The following SSH2 variants were observed in gnomAD, a reference collection of about 807,000 sequenced individuals.
SSH2 encodes the protein protein phosphatase Slingshot homolog 2.
In SSH2, 37 loss-of-function variants were observed where a neutral mutation model predicts 135.2. The ratio of observed to expected loss-of-function variants is 0.27; its 90% CI spans 0.21 to 0.36. The LOEUF is 0.36. SSH2 is among the 10% of genes least tolerant of loss of function. The pLI, the probability that SSH2 is intolerant of heterozygous loss-of-function variation, is 1.00. For synonymous variants in SSH2, 628 were observed against 646.2 expected (o/e 0.97, Z 0.43); for missense variants, 1,408 against 1,765.3 (o/e 0.80, Z 3.63).
intron 1 of SSH2, among the ~76,000 whole-genome samples, chr17:29,898,121 T>C (rs2066477987): frequency 6.6e-6 from 1 of 151,804 alleles, no homozygotes; most frequent in Non-Finnish European, 1.5e-5. Context: ...TGGGACATAT[T>C]TAAAGCAGTG....
chr17:29,664,132 G>T (rs1263597417), intron 11 of SSH2, among the ~76,000 whole-genome samples: 3 of 152,044 alleles, frequency 2.0e-5, no homozygotes, highest in Non-Finnish European at 2.9e-5. Flanking sequence ...CTGTAATCCC[G>T]GCACTTTGGG....
At chr17:29,799,543 A>G (rs1294150256) in intron 2 of SSH2, among the ~76,000 whole-genome samples, 2 of 152,194 alleles carry the variant, frequency 1.3e-5, no homozygotes, top group African/African-American at 4.8e-5. Flanking sequence ...GCATCCTTTC[A>G]TAGGTTTATG....
chr17:29,666,234 G>A (rs555149544), intron 11 of SSH2, among the ~76,000 whole-genome samples: 5 of 152,060 alleles, frequency 3.3e-5, no homozygotes, highest in Non-Finnish European at 7.4e-5. Context: ...TTAGCTGGGG[G>A]CTGGTGGCAC....
intron 15 of SSH2, among the ~76,000 whole-genome samples, chr17:29,635,194 G>A (rs968926703): frequency 1.3e-5 from 2 of 152,002 alleles, no homozygotes; most frequent in South Asian, 2.1e-4. Flanking sequence ...GAGCCACCGC[G>A]CCCGGCCAGC....
intron 5 of SSH2, among the ~76,000 whole-genome samples, chr17:29,692,894 T>C (rs980034860): frequency 6.6e-6 from 1 of 152,218 alleles, no homozygotes; most frequent in Non-Finnish European, 1.5e-5. Flanking sequence ...AGTCCACCAA[T>C]TGGTGATTTA....
chr17:29,667,168 T>C lies in SSH2; in HGVS notation c.865A>G (p.Met289Val). The C allele has an allele frequency of 6.2e-7, 1 of 1,613,798 alleles. No homozygotes were observed. Residue 289 changes from methionine (M) to valine (V), a missense_variant, in exon 10 of 16, where the codon ATG becomes GTG. Met to Val is a conservative substitution (Grantham distance 21). Transcript: ENST00000540801. ...ATATTCTCCAAATCCTTCTGCATCA[T>C]GATCTCCCTTAATTTGGTTTTAATT... Reference protein sequence around the residue: ...RLIKTKLREIMMQKDLENITS... With the variant: ...RLIKTKLREIVMQKDLENITS...
chr17:29,910,327 A>AT (rs1213307728), intron 1 of SSH2, among the ~76,000 whole-genome samples: 3 of 3,574 alleles, frequency 8.4e-4, no homozygotes, highest in Non-Finnish European at 1.4e-3. Context: ...TGTAACCTAT[A>AT]AAAAAAAATT....
At chr17:29,858,380 T>C (rs771120813) in intron 1 of SSH2, among the ~76,000 whole-genome samples, 10 of 152,168 alleles carry the variant, frequency 6.6e-5, no homozygotes, top group Non-Finnish European at 1.2e-4. Context: ...TCTAGGGGAA[T>C]GTTACAGGCT....
intron 5 of SSH2, among the ~76,000 whole-genome samples, chr17:29,686,129 G>A (rs566235692): frequency 4.5e-4 from 68 of 152,084 alleles, no homozygotes; most frequent in African/African-American, 1.6e-3. Flanking sequence ...GTTTACAGGC[G>A]TGAGCCACCG....
intron 8 of SSH2, among the ~76,000 whole-genome samples, chr17:29,674,883 G>A (rs989028187): frequency 6.6e-6 from 1 of 152,228 alleles, no homozygotes; most frequent in African/African-American, 2.4e-5. Context: ...CGCATGCAAA[G>A]CCATCCTGGG....
At chr17:29,665,642 A>G (rs1274739537) in intron 11 of SSH2, among the ~76,000 whole-genome samples, 1 of 152,226 alleles carries the variant, frequency 6.6e-6, no homozygotes. Context: ...ATTTTTGGTG[A>G]AAGTGTGTGG....
intron 2 of SSH2, among the ~76,000 whole-genome samples, chr17:29,819,055 C>T (rs1161234455): frequency 2.6e-5 from 4 of 151,950 alleles, no homozygotes; most frequent in Admixed American, 1.3e-4. Context: ...GGAGACACCC[C>T]GTCTCTACTA....
intron 1 of SSH2, among the ~76,000 whole-genome samples, chr17:29,888,080 AT>A (rs1263242209): frequency 6.6e-6 from 1 of 152,088 alleles, no homozygotes; most frequent in Non-Finnish European, 1.5e-5. Context: ...CTACAAAAAA[AT>A]TTAAAAGTTA....
At chr17:29,658,433 C>A (rs957238144) in intron 11 of SSH2, among the ~76,000 whole-genome samples, 4 of 152,172 alleles carry the variant, frequency 2.6e-5, no homozygotes, top group African/African-American at 9.7e-5. Context: ...CCTGCCTCAG[C>A]CTCCTGAGTA....
chr17:29,719,272 C>A (rs990128641), intron 3 of SSH2, among the ~76,000 whole-genome samples: 5 of 152,268 alleles, frequency 3.3e-5, no homozygotes, highest in African/African-American at 7.2e-5. Flanking sequence ...AATGGCACGT[C>A]CATCAATGTT....
intron 3 of SSH2, among the ~76,000 whole-genome samples, chr17:29,743,069 T>C (rs2040626526): frequency 6.6e-6 from 1 of 152,140 alleles, no homozygotes; most frequent in South Asian, 2.1e-4. Context: ...GTAGCTGGGA[T>C]TACAGGCATG....
chr17:29,630,860 G>T lies in SSH2; in HGVS notation c.4334C>A (p.Pro1445His). 6.4e-7 allele frequency: 1 copy of T among 1,558,502 alleles called. No individual in the cohort carries two copies. The change falls in exon 16 of 16, where the codon CCC becomes CAC. Residue 1445 changes from proline to histidine, a missense_variant. Transcript: ENST00000540801. ...KANDKKRTTN[P>H]FYNTM ...TCAGAATCACATGGTATTATAGAAG[G>T]GGTTGGTTGTCCGTTTTTTGTCATT...
chr17:29,630,258 A>G lies in SSH2; in HGVS notation c.*583T>C, dbSNP rs1056399859. 6.6e-6 allele frequency: 1 copy of G among 152,254 alleles called. No individual in the cohort carries two copies. Among genetic ancestry groups the G allele is most frequent in the African/African-American group, 2.4e-5 (1 of 41,466 alleles). 9.4% of individuals were successfully genotyped at this position (152,254 alleles called of 1,614,324 possible). On this transcript the variant is annotated 3_prime_UTR_variant, in exon 16 of 16. Coordinates refer to ENST00000540801, the MANE Select transcript of SSH2 (RefSeq NM_001282129.2). The stretch of plus-strand genomic sequence containing the variant: ...GCCGGCCATTATCATGTCTTACTGT[A>G]ACGATACACTCTGGAACACCGGAAG...
intron 4 of SSH2, among the ~76,000 whole-genome samples, chr17:29,702,714 A>G (rs1267483534): frequency 6.6e-6 from 1 of 152,208 alleles, no homozygotes; most frequent in Admixed American, 6.5e-5. Flanking sequence ...ATATAACTTC[A>G]TTATTTTGGT....
Sources: gnomAD v4.1 joint callset for allele counts (sites outside exome capture counted in the v4.1 genomes callset) on GRCh38, gnomAD v4.1.1 for gene constraint, MANE v1.5 for transcripts, NCBI Gene and HGNC (gene_info 2026-07-23, HGNC 2026-07-21) for gene names.